The following GPAA1 variants were observed in gnomAD, a reference collection of about 807,000 sequenced individuals.
The protein encoded by GPAA1 is GPI-anchor transamidase component GPAA1.
A neutral mutation model predicts 64.0 loss-of-function variants in GPAA1; 54 were observed. The observed-to-expected ratio is 0.84, with a 90% CI of 0.68 to 1.06. The LOEUF is 1.06. GPAA1 is among the 50% of genes least tolerant of loss of function. The pLI, the probability that GPAA1 is intolerant of heterozygous loss-of-function variation, is 0.00. For missense variants in GPAA1, 780 were observed against 822.3 expected (o/e 0.95, Z 0.63); for synonymous variants, 393 against 377.3 (o/e 1.04, Z -0.48).
At position 144,085,997 on chromosome 8, in the gene GPAA1, C is replaced by G. The variant is rs1431791621; in HGVS notation, c.1738C>G (p.Leu580Val). ...APLSLAEGWQLFLAALAQGVL... is the reference protein window; with the variant it reads ...APLSLAEGWQVFLAALAQGVL... ...ACTGTCACTGGCCGAGGGCTGGCAG[C>G]TCTTCCTGGCAGCGCTAGCCCAGGG... The change falls in exon 12 of 12, where the codon CTC (leucine) becomes GTC (valine). Residue 580 changes from leucine (L) to valine (V), a missense_variant. Leu to Val is a conservative substitution (Grantham distance 32). Coordinates refer to ENST00000355091, the MANE Select transcript of GPAA1 (RefSeq NM_003801.4). The G allele has an allele frequency of 1.2e-6, 2 of 1,609,770 alleles. No homozygotes were observed. The highest frequency in any genetic ancestry group is 2.7e-5 in the African/African-American group (2 of 74,928).
intron 8 of GPAA1, 21 bp from the exon 9 acceptor site, chr8:144,085,022 T>TG (rs1191558491): frequency 1.3e-6 from 2 of 1,593,954 alleles, no homozygotes; most frequent in African/African-American, 1.3e-5. Flanking sequence ...CACCTCTTGT[T>TG]GGGGTCCTTG....
chr8:144,084,213 C>T lies in GPAA1; in HGVS notation c.696C>T (p.Val232=). ...AVALELSSDV[V]TSLDVAVEGL... The stretch of plus-strand genomic sequence containing the variant: ...CCCTGGAGCTGAGCAGTGATGTGGT[C>T]ACCAGCCTCGATGTGGCCGTGGAGG... The change falls in exon 6 of 12, where the codon GTC becomes GTT. Residue 232 remains valine (V), a synonymous_variant. Coordinates refer to ENST00000355091, the MANE Select transcript of GPAA1 (RefSeq NM_003801.4). The T allele has an allele frequency of 1.2e-6, 2 of 1,613,108 alleles. No homozygotes were observed. Among genetic ancestry groups the T allele is most frequent in the Non-Finnish European group, 1.7e-6 (2 of 1,179,828 alleles).
rs1554763954 is a variant in GPAA1, at chr8:144,084,035, T to G, written c.611T>G (p.Val204Gly). The G allele has an allele frequency of 1.2e-6, 2 of 1,612,282 alleles. No individual in the cohort carries two copies. Residue 204 changes from valine (V) to glycine (G), a missense_variant, in exon 5 of 12, where the codon GTC (valine) becomes GGC (glycine). Physicochemically the swap from Val to Gly is moderately radical, Grantham distance 109 (BLOSUM62 -3). Transcript: ENST00000355091. The stretch of plus-strand genomic sequence containing the variant: ...CTTGAAGCCTACCACGATGTCAATG[T>G]CACTGGTAGGTTCTCTTGTCCTGCC... Reference protein sequence around the residue: ...AWLEAYHDVNVTGMQSSPLQG... With the variant: ...AWLEAYHDVNGTGMQSSPLQG...
rs782326666 is a variant in GPAA1, at chr8:144,084,861, G to T, written c.1150G>T (p.Val384Phe). The T allele has an allele frequency of 1.9e-6, 3 of 1,613,386 alleles. No homozygotes were observed. The highest frequency in any genetic ancestry group is 1.7e-6 in the Non-Finnish European group (2 of 1,180,016). ...YMPAVGFLLL[V>F]LGLKALELWM... ...GCCCGCTGTCGGCTTCTTGCTCCTG[G>T]TCCTTGGTCTCAAGATATCCTCTGC... is the stretch of plus-strand genomic sequence containing the variant. Residue 384 changes from valine (V) to phenylalanine (F), a missense_variant, in exon 8 of 12, where the codon GTC (valine) becomes TTC (phenylalanine). Coordinates refer to ENST00000355091, the MANE Select transcript of GPAA1 (RefSeq NM_003801.4).
In GPAA1 at chr8:144,084,050, C is replaced by G. The variant is rs1554763956; in HGVS notation, c.616+10C>G. 1 of 1,609,412 alleles carries G rather than the reference C, an allele frequency of 6.2e-7. No homozygotes were observed. On this transcript the variant is annotated intron_variant, in intron 5 of 11. Coordinates refer to ENST00000355091, the MANE Select transcript of GPAA1 (RefSeq NM_003801.4). The stretch of plus-strand genomic sequence containing the variant: ...GATGTCAATGTCACTGGTAGGTTCT[C>G]TTGTCCTGCCTGCCCTGGTCCCCCT...
In GPAA1 at chr8:144,083,232, G is replaced by T. The variant is rs1453165466; in HGVS notation, c.183G>T (p.Glu61Asp). 2 of 1,610,024 alleles carry T rather than the reference G, an allele frequency of 1.2e-6. No homozygotes were observed. Among genetic ancestry groups the T allele is most frequent in the African/African-American group, 2.7e-5 (2 of 74,884 alleles). ...SENAMGSTMVEEQFAGGDRAR... is the reference protein window; with the variant it reads ...SENAMGSTMVDEQFAGGDRAR... ...ACGCCATGGGCTCCACCATGGTGGA[G>T]GAGCAGTTTGCGGGCGGAGACCGTG... Residue 61 changes from glutamate (E) to aspartate (D), a missense_variant, in exon 2 of 12, where the codon GAG becomes GAT. Coordinates refer to ENST00000355091, the MANE Select transcript of GPAA1 (RefSeq NM_003801.4).
intron 5 of GPAA1, 31 bp downstream of exon 5, chr8:144,084,071 C>A: frequency 1.2e-6 from 2 of 1,605,890 alleles, no homozygotes; most frequent in South Asian, 1.1e-5. Context: ...TGCCCTGGTC[C>A]CCCTCTCAGG....
rs782414836 is a variant in GPAA1, at chr8:144,084,178, G to A, written c.661G>A (p.Ala221Thr). 3 of 1,613,612 alleles carry A rather than the reference G, an allele frequency of 1.9e-6. No individual in the cohort carries two copies. The South Asian group carries it at 3.3e-5, about 18-fold the overall frequency. Residue 221 changes from alanine to threonine, a missense_variant, in exon 6 of 12, where the codon GCA becomes ACA. Transcript: ENST00000355091. ...GCAGGGCCGAGCTGGGGCCATTCAGGCAGCCGTGGCCCTGGAGCTGAGCAG... is the reference window on the plus strand; with the variant it reads ...GCAGGGCCGAGCTGGGGCCATTCAGACAGCCGTGGCCCTGGAGCTGAGCAG... ...PLQGRAGAIQ[A>T]AVALELSSDV...
rs546379883 is a variant in GPAA1 at position 144,086,002 on chromosome 8, C to T, written c.1743C>T (p.Phe581=). The change falls in exon 12 of 12, where the codon TTC becomes TTT. Residue 581 remains phenylalanine (F), a synonymous_variant. Transcript: ENST00000355091. ...CACTGGCCGAGGGCTGGCAGCTCTT[C>T]CTGGCAGCGCTAGCCCAGGGTGTGC... ...PLSLAEGWQL[F]LAALAQGVLE... is the part of the protein sequence containing the mutation. The T allele has an allele frequency of 1.9e-6, 3 of 1,610,440 alleles. No individual in the cohort carries two copies. The East Asian group carries it at 6.7e-5, about 36-fold the overall frequency.
At position 144,085,597 on chromosome 8, in the gene GPAA1, C is replaced by T; in HGVS notation, c.1476C>T (p.Asp492=). 1.2e-6 allele frequency: 2 copies of T among 1,613,764 alleles called. No homozygotes were observed. The highest frequency in any genetic ancestry group is 2.7e-5 in the African/African-American group (2 of 75,048). The change falls in exon 11 of 12, where the codon GAC becomes GAT. Residue 492 remains aspartate, a synonymous_variant. Transcript: ENST00000355091. ...GGGTGGTAAGCACACAGGCCCCAGA[C>T]AGGGGCTGGATGGCACTGAAGCTGG... The part of the protein sequence containing the change: ...THRVVSTQAP[D]RGWMALKLVA...
Position 144,082,678 on chromosome 8 carries a change from C to G in GPAA1, c.-53C>G. 3 of 1,340,426 alleles carry G rather than the reference C, an allele frequency of 2.2e-6. No homozygotes were observed. Among genetic ancestry groups the G allele is most frequent in the Non-Finnish European group, 2.9e-6 (3 of 1,020,798 alleles). 83.0% of individuals were successfully genotyped at this position (1,340,426 alleles called of 1,614,324 possible). A position where few individuals can be genotyped will look rare whatever the true frequency, so the allele number is the denominator to read the frequency against. ...TGACAGGAGCAGCCTGTGGGCACCG[C>G]GGCGGTAGTTGGAGGCGGGAGAGGG... On this transcript the variant is annotated 5_prime_UTR_variant, in exon 1 of 12. Transcript: ENST00000355091.
In GPAA1 at chr8:144,086,047, C is replaced by T. The variant is rs1183729905; in HGVS notation, c.1788C>T (p.Gly596=). The T allele has an allele frequency of 2.2e-5, 36 of 1,612,878 alleles. No individual in the cohort carries two copies. The highest frequency in any genetic ancestry group is 1.6e-4 in the South Asian group (15 of 91,076). Residue 596 remains glycine (G), a synonymous_variant, in exon 12 of 12, where the codon GGC becomes GGT. Transcript: ENST00000355091. ...AQGVLEHHTY[G]ALLFPLLSLG... ...GTGTGCTGGAGCACCACACCTACGG[C>T]GCCCTGCTCTTCCCACTGCTGTCCC...
chr8:144,082,634 G>T lies in GPAA1; in HGVS notation c.-97G>T. ...CGTCTCTGGGACCGGAAGTGCGGGC[G>T]AGCGCGGGTCCCCGGGTCTGACAGG... On this transcript the variant is annotated 5_prime_UTR_variant, in exon 1 of 12. Coordinates refer to ENST00000355091, the MANE Select transcript of GPAA1 (RefSeq NM_003801.4). 1 of 796,778 alleles carries T rather than the reference G, an allele frequency of 1.3e-6. No homozygotes were observed. The highest frequency in any genetic ancestry group is 1.8e-6 in the Non-Finnish European group (1 of 563,274). 49.4% of individuals were successfully genotyped at this position (796,778 alleles called of 1,614,324 possible).
rs782064963 is a variant in GPAA1, at chr8:144,084,017, C to G, written c.593C>G (p.Ala198Gly). 1.3e-5 allele frequency: 21 copies of G among 1,613,676 alleles called. No individual in the cohort carries two copies. The highest frequency in any genetic ancestry group is 1.6e-5 in the Non-Finnish European group (19 of 1,179,692). The change falls in exon 5 of 12, where the codon GCC becomes GGC. Residue 198 changes from alanine (A) to glycine (G), a missense_variant. By Grantham distance (60) the Ala-to-Gly change is moderately conservative. Coordinates refer to ENST00000355091, the MANE Select transcript of GPAA1 (RefSeq NM_003801.4). ...DLLGTEAWLE[A>G]YHDVNVTGMQ... is the part of the protein sequence containing the mutation. Reference sequence around the variant, plus strand: ...CTGGGCACTGAGGCTTGGCTTGAAGCCTACCACGATGTCAATGTCACTGGT... The same window carrying G: ...CTGGGCACTGAGGCTTGGCTTGAAGGCTACCACGATGTCAATGTCACTGGT...
intron 1 of GPAA1, 54 bp downstream of exon 1, chr8:144,082,858 C>T: frequency 7.8e-7 from 1 of 1,277,364 alleles, no homozygotes; most frequent in Non-Finnish European, 1.0e-6. Context: ...CTCGCGCCGG[C>T]GGCCCCATGC....
Position 144,083,460 on chromosome 8 carries a change from C to G in GPAA1, c.326C>G (p.Ser109Cys), listed in dbSNP as rs782047705. Residue 109 changes from serine to cysteine, a missense_variant, in exon 3 of 12, where the codon TCC (serine) becomes TGC (cysteine). Ser to Cys is a moderately radical substitution (Grantham distance 112, BLOSUM62 -1). Coordinates refer to ENST00000355091, the MANE Select transcript of GPAA1 (RefSeq NM_003801.4). ...CTGGAGGTCTACACGCAGAGTTTCT[C>G]CCGGAAACTGCCCTTCCCAGATGAG... ...VGLEVYTQSFSRKLPFPDETH... is the reference protein window; with the variant it reads ...VGLEVYTQSFCRKLPFPDETH... 2.5e-6 allele frequency: 4 copies of G among 1,613,638 alleles called. No individual in the cohort carries two copies. Among genetic ancestry groups the G allele is most frequent in the African/African-American group, 2.7e-5 (2 of 74,930 alleles).
In GPAA1 at chr8:144,083,290, C is replaced by G. The variant is rs1554763798; in HGVS notation, c.241C>G (p.Arg81Gly). The G allele has an allele frequency of 6.2e-7, 1 of 1,602,852 alleles. No individual in the cohort carries two copies. The highest frequency in any genetic ancestry group is 1.3e-5 in the African/African-American group (1 of 74,678). ...RAFARDFAAH[R>G]KKSGALPVAW... ...TTTTGCCCGGGACTTCGCCGCCCACCGCAAGAAGTCGGGGTGAGCGGCAGA... is the reference window on the plus strand; with the variant it reads ...TTTTGCCCGGGACTTCGCCGCCCACGGCAAGAAGTCGGGGTGAGCGGCAGA... The change falls in exon 2 of 12, where the codon CGC (arginine) becomes GGC (glycine). Residue 81 changes from arginine (R) to glycine (G), a missense_variant. Coordinates refer to ENST00000355091, the MANE Select transcript of GPAA1 (RefSeq NM_003801.4).
intron 1 of GPAA1, 90 bp downstream of exon 1, chr8:144,082,894 G>A: frequency 8.4e-6 from 9 of 1,072,544 alleles, no homozygotes; most frequent in Admixed American, 3.7e-5. Flanking sequence ...GGCCGGGGCC[G>A]CTCCAGCTGC....
At position 144,085,376 on chromosome 8, in the gene GPAA1, C is replaced by T. The variant is rs868941890; in HGVS notation, c.1348C>T (p.His450Tyr). ...ALYVLPVLGQ[H>Y]VATQHFPVAE... The stretch of plus-strand genomic sequence containing the variant: ...CTATGTCCTGCCAGTGCTGGGCCAA[C>T]ACGTTGCCACCCAGCACTTCCCAGT... The change falls in exon 10 of 12, where the codon CAC becomes TAC. Residue 450 changes from histidine to tyrosine, a missense_variant. His to Tyr is a moderately conservative substitution (Grantham distance 83). Transcript: ENST00000355091. 3.1e-6 allele frequency: 5 copies of T among 1,608,670 alleles called. No individual in the cohort carries two copies. The Admixed American group carries it at 5.0e-5, about 16-fold the overall frequency.
Sources: allele counts gnomAD v4.1 joint callset, GRCh38; gene constraint gnomAD v4.1.1; transcripts MANE v1.5; gene names NCBI Gene and HGNC (gene_info 2026-07-23, HGNC 2026-07-21).